TMEM74: variants seen among roughly 807,000 people sequenced by gnomAD.
TMEM74 encodes the protein transmembrane protein 74.
TMEM74 carries 13 observed loss-of-function variants against 18.1 expected under a neutral mutation model. The ratio of observed to expected loss-of-function variants is 0.72; its 90% CI spans 0.47 to 1.14. The LOEUF (loss-of-function observed/expected upper bound fraction) is 1.14. Ranked by LOEUF, TMEM74 falls within the 50% of genes most tolerant of loss-of-function variation. The pLI is 0.00. For synonymous variants in TMEM74, 159 were observed against 146.6 expected (o/e 1.08, Z -0.61); for missense variants, 372 against 375.9 (o/e 0.99, Z 0.09).
chr8:108,768,455 T>C (rs1814134355), intron 1 of TMEM74, among the ~76,000 whole-genome samples: 1 of 152,188 alleles, frequency 6.6e-6, no homozygotes, highest in Admixed American at 6.5e-5. Flanking sequence ...TAAAATCTGA[T>C]TATGCTACTT....
intron 1 of TMEM74, among the ~76,000 whole-genome samples, chr8:108,720,728 C>CTATTTATT (rs3049754): frequency 0.011 from 1,603 of 149,422 alleles, 20 homozygotes; most frequent in Middle Eastern, 0.021. Flanking sequence ...TAAGATATAA[C>CTATTTATT]TATTTATTTA....
At position 108,714,700 on chromosome 8, in the gene TMEM74, A is replaced by G. The variant is rs140383531; in HGVS notation, n.120-59263T>C. On this transcript the variant is annotated intron_variant and non_coding_transcript_variant, in intron 1 of 3. Coordinates refer to the TMEM74 transcript ENST00000518838. ...TATGAATATCCAAAGGAAACAAATCATTCTACCAAAAAGACACATGAACTT... is the reference window on the plus strand; with the variant it reads ...TATGAATATCCAAAGGAAACAAATCGTTCTACCAAAAAGACACATGAACTT... 1.2e-4 allele frequency among the ~76,000 whole-genome samples: 18 copies of G among 152,360 alleles called. No homozygotes were observed. In the East Asian group the frequency reaches 3.5e-3, roughly 29 times the overall value.
At position 108,676,164 on chromosome 8, in the gene TMEM74, C is replaced by T. The variant is rs1385375328; in HGVS notation, n.120-20727G>A. ...ACTGGCTGGCAGAAATGGAATGTGG[C>T]AAGTCAGTAAACTCAGAACATATGC... On this transcript the variant is annotated intron_variant and non_coding_transcript_variant, in intron 1 of 3. Transcript: ENST00000518838. Among the ~76,000 whole-genome samples the T allele has an allele frequency of 2.6e-5, 4 of 152,064 alleles. No individual in the cohort carries two copies. In the East Asian group the frequency reaches 7.7e-4, roughly 29 times the overall value.
At chr8:108,636,668 T>A (rs147772267) in intron 2 of TMEM74, among the ~76,000 whole-genome samples, 393 of 152,148 alleles carry the variant, frequency 2.6e-3, no homozygotes, top group Non-Finnish European at 4.5e-3. Context: ...AGGGGTCTGA[T>A]TCCCCATCAA....
intron 1 of TMEM74, among the ~76,000 whole-genome samples, chr8:108,764,585 T>C (rs1814080926): frequency 6.6e-6 from 1 of 152,140 alleles, no homozygotes; most frequent in South Asian, 2.1e-4. Flanking sequence ...ATGCACAAGT[T>C]GGTTTGAGAC....
chr8:108,721,965 G>A (rs531637110), intron 1 of TMEM74, among the ~76,000 whole-genome samples: 84 of 152,282 alleles, frequency 5.5e-4, no homozygotes, highest in African/African-American at 2.0e-3. Context: ...ATTCTTTGAT[G>A]TACAGTGTGT....
intron 1 of TMEM74, among the ~76,000 whole-genome samples, chr8:108,742,081 G>A (rs1162667415): frequency 1.3e-5 from 2 of 152,114 alleles, no homozygotes; most frequent in Non-Finnish European, 2.9e-5. Flanking sequence ...TCCCTTCTAA[G>A]TGGGACCTGA....
downstream of TMEM74, among the ~76,000 whole-genome samples, chr8:108,776,696 G>A (rs1432776590): frequency 6.6e-6 from 1 of 151,884 alleles, no homozygotes; most frequent in African/African-American, 2.4e-5. Context: ...TATGATGGTG[G>A]AAGCAAGAGA....
chr8:108,622,607 G>T lies in TMEM74; in HGVS notation n.265-13781C>A, dbSNP rs371990713. ...CCTTTCTGAACTCATTATGTTATATGCTTTCTGTAAAAGAGGAATAATGGC... is the reference window on the plus strand; with the variant it reads ...CCTTTCTGAACTCATTATGTTATATTCTTTCTGTAAAAGAGGAATAATGGC... On this transcript the variant is annotated intron_variant and non_coding_transcript_variant, in intron 2 of 3. Transcript: ENST00000518838. 1.1e-3 allele frequency among the ~76,000 whole-genome samples: 161 copies of T among 152,138 alleles called. 1 individual carries two copies. Among genetic ancestry groups the T allele is most frequent in the African/African-American group, 3.6e-3 (149 of 41,544 alleles).
At chr8:108,649,007 C>G (rs1812747214) in intron 2 of TMEM74, among the ~76,000 whole-genome samples, 1 of 152,106 alleles carries the variant, frequency 6.6e-6, no homozygotes, top group African/African-American at 2.4e-5. Flanking sequence ...TTCTAACTCT[C>G]CTATGGACTT....
chr8:108,631,916 G>T (rs927450840), intron 2 of TMEM74, among the ~76,000 whole-genome samples: 1 of 151,978 alleles, frequency 6.6e-6, no homozygotes, highest in African/African-American at 2.4e-5. Context: ...ATTCCAAGCT[G>T]TTTTTTATCA....
At chr8:108,655,323 G>A (rs1402886587) in exon 2 of TMEM74, 5 of 151,984 alleles carry the variant, frequency 3.3e-5, no homozygotes, top group African/African-American at 1.2e-4. Flanking sequence ...ACCACTTCTG[G>A]AATCTTCTTG....
At chr8:108,744,132 A>G (rs1376285345) in intron 1 of TMEM74, among the ~76,000 whole-genome samples, 1 of 152,164 alleles carries the variant, frequency 6.6e-6, no homozygotes, top group Non-Finnish European at 1.5e-5. Flanking sequence ...CACAGCATCA[A>G]CTACAAGAGC....
chr8:108,607,293 TCTAA>T (rs1382308210), exon 4 of TMEM74: 4 of 152,148 alleles, frequency 2.6e-5, no homozygotes, highest in African/African-American at 9.7e-5. Flanking sequence ...AAAAATATAA[TCTAA>T]CTAATCTGCA....
intron 1 of TMEM74, among the ~76,000 whole-genome samples, chr8:108,716,532 G>A (rs1360057621): frequency 2.0e-5 from 3 of 151,902 alleles, no homozygotes; most frequent in Non-Finnish European, 2.9e-5. Context: ...GTACATCAAA[G>A]TTATTCAATG....
intron 2 of TMEM74, among the ~76,000 whole-genome samples, chr8:108,614,971 T>C (rs1052672211): frequency 1.9e-4 from 29 of 152,190 alleles, no homozygotes; most frequent in Admixed American, 1.2e-3. Context: ...ACCATACTAA[T>C]AAAAACTGCA....
intron 1 of TMEM74, among the ~76,000 whole-genome samples, chr8:108,732,240 T>C (rs528562779): frequency 6.6e-6 from 1 of 152,316 alleles, no homozygotes; most frequent in African/African-American, 2.4e-5. Context: ...CTGAGTGAAA[T>C]TTTAAAAGAC....
intron 2 of TMEM74, among the ~76,000 whole-genome samples, chr8:108,609,201 G>C (rs1266808631): frequency 2.6e-5 from 4 of 152,204 alleles, no homozygotes; most frequent in Non-Finnish European, 5.9e-5. Flanking sequence ...TCAAAGGATT[G>C]AATGAGGTAA....
At chr8:108,645,686 C>G (rs1812710870) in intron 2 of TMEM74, among the ~76,000 whole-genome samples, 1 of 152,056 alleles carries the variant, frequency 6.6e-6, no homozygotes, top group South Asian at 2.1e-4. Context: ...GCCTGTCATT[C>G]CCTTACCCAA....
Sources: gnomAD v4.1 joint callset for allele counts (sites outside exome capture counted in the v4.1 genomes callset) on GRCh38, gnomAD v4.1.1 for gene constraint, MANE v1.5 for transcripts, NCBI Gene and HGNC (gene_info 2026-07-23, HGNC 2026-07-21) for gene names.